The following FBXL7 variants were observed in gnomAD, a reference collection of about 807,000 sequenced individuals.
The protein encoded by FBXL7 is F-box and leucine rich repeat protein 7.
Under a neutral mutation model 38.3 loss-of-function variants are expected in FBXL7, and 12 were observed. The ratio of observed to expected loss-of-function variants is 0.31; its 90% CI spans 0.20 to 0.51. The LOEUF is 0.51. Among genes scored for constraint, FBXL7 ranks in the 20% least tolerant of loss-of-function variants. The pLI, the probability that FBXL7 is intolerant of heterozygous loss-of-function variation, is 0.98. For synonymous variants in FBXL7, 297 were observed against 300.9 expected (o/e 0.99, Z 0.13); for missense variants, 567 against 676.4 (o/e 0.84, Z 1.79).
intron 2 of FBXL7, among the ~76,000 whole-genome samples, chr5:15,706,692 AC>A (rs1191716453): frequency 1.3e-5 from 2 of 152,220 alleles, no homozygotes; most frequent in African/African-American, 4.8e-5. Flanking sequence ...AAACAAAAAA[AC>A]AAAAGAACAA....
intron 2 of FBXL7, among the ~76,000 whole-genome samples, chr5:15,871,208 G>A (rs970506918): frequency 7.2e-5 from 11 of 152,146 alleles, no homozygotes; most frequent in Admixed American, 6.5e-5. Flanking sequence ...CAGCAGACCT[G>A]CAGACTGTTA....
intron 2 of FBXL7, among the ~76,000 whole-genome samples, chr5:15,638,913 T>G (rs1741271016): frequency 6.6e-6 from 1 of 152,070 alleles, no homozygotes; most frequent in South Asian, 2.1e-4. Flanking sequence ...GGAACTCTCC[T>G]TTTTTACTGA....
intron 2 of FBXL7, among the ~76,000 whole-genome samples, chr5:15,724,255 T>TA (rs34984522): frequency 7.1e-4 from 108 of 152,252 alleles, no homozygotes; most frequent in African/African-American, 2.3e-3. Context: ...ACTTCCTTTT[T>TA]AAAAAAATGT....
chr5:15,659,197 G>T (rs1485407006), intron 2 of FBXL7, among the ~76,000 whole-genome samples: 1 of 151,618 alleles, frequency 6.6e-6, no homozygotes, highest in South Asian at 2.1e-4. Context: ...ACTGGGAGAA[G>T]ATAATTATAA....
At chr5:15,692,117 C>T (rs1055628513) in intron 2 of FBXL7, among the ~76,000 whole-genome samples, 4 of 152,100 alleles carry the variant, frequency 2.6e-5, no homozygotes, top group Non-Finnish European at 5.9e-5. Context: ...TCAGAGTAGG[C>T]TGCCTCGATT....
At chr5:15,869,359 T>TA (rs1308882370) in intron 2 of FBXL7, among the ~76,000 whole-genome samples, 1 of 152,146 alleles carries the variant, frequency 6.6e-6, no homozygotes, top group Non-Finnish European at 1.5e-5. Context: ...CTCCCCAGGC[T>TA]AAATGGGACA....
In FBXL7 at chr5:15,606,291, GCACA is replaced by G. The variant is rs148470712; in HGVS notation, c.38-9677_38-9674del. On this transcript the variant is annotated intron_variant, in intron 1 of 3. Coordinates refer to ENST00000504595, the MANE Select transcript of FBXL7 (RefSeq NM_012304.5). ...GCAGAACACACATACATGCGCACGT[GCACA>G]CACACACACACACAATGTACATGTA... Among the ~76,000 whole-genome samples the G allele has an allele frequency of 4.8e-4, 72 of 150,618 alleles. No homozygotes were observed. In the East Asian group the frequency reaches 7.6e-3, roughly 16 times the overall value.
At position 15,599,460 on chromosome 5, in the gene FBXL7, A is replaced by G. The variant is rs530938259; in HGVS notation, c.38-16523A>G. 1.9e-4 allele frequency among the ~76,000 whole-genome samples: 29 copies of G among 152,256 alleles called. No homozygotes were observed. The South Asian group carries it at 6.0e-3, about 32-fold the overall frequency. ...GAAGAGAAAGTTGGCTAAAAACCCTATCTTATCCATTCTTCCACTTAGCTT... is the reference window on the plus strand; with the variant it reads ...GAAGAGAAAGTTGGCTAAAAACCCTGTCTTATCCATTCTTCCACTTAGCTT... On this transcript the variant is annotated intron_variant, in intron 1 of 3. Transcript: ENST00000504595.
chr5:15,838,987 C>T (rs1738665076), intron 2 of FBXL7, among the ~76,000 whole-genome samples: 1 of 152,026 alleles, frequency 6.6e-6, no homozygotes, highest in African/African-American at 2.4e-5. Context: ...TTTGGTTTTG[C>T]TTGTTTGTTT....
chr5:15,701,490 T>G lies in FBXL7; in HGVS notation c.127+85418T>G, dbSNP rs956626827. ...CACAGAGCGTCATCATTGTCATGCT[T>G]CAGTTCTTTCATTTGTGTACTATTT... On this transcript the variant is annotated intron_variant, in intron 2 of 3. Transcript: ENST00000504595. Among the ~76,000 whole-genome samples, 4 of 152,200 alleles carry G rather than the reference T, an allele frequency of 2.6e-5. 1 individual carries two copies. The highest frequency in any genetic ancestry group is 5.9e-5 in the Non-Finnish European group (4 of 68,048).
At chr5:15,735,215 G>A (rs1735714705) in intron 2 of FBXL7, among the ~76,000 whole-genome samples, 1 of 152,224 alleles carries the variant, frequency 6.6e-6, no homozygotes, top group South Asian at 2.1e-4. Context: ...GTATAGGCAT[G>A]AGCCGCTGTG....
chr5:15,727,668 A>G (rs1735445806), intron 2 of FBXL7, among the ~76,000 whole-genome samples: 1 of 152,072 alleles, frequency 6.6e-6, no homozygotes, highest in Non-Finnish European at 1.5e-5. Context: ...TTGTCTTTCT[A>G]AAGTTTGATA....
At chr5:15,737,574 A>T (rs764161890) in intron 2 of FBXL7, among the ~76,000 whole-genome samples, 4 of 152,198 alleles carry the variant, frequency 2.6e-5, no homozygotes, top group Non-Finnish European at 5.9e-5. Flanking sequence ...TTTCAGGCTA[A>T]GAGAAAGATC....
At chr5:15,549,887 G>A (rs961332746) in intron 1 of FBXL7, among the ~76,000 whole-genome samples, 3 of 152,168 alleles carry the variant, frequency 2.0e-5, no homozygotes, top group Non-Finnish European at 4.4e-5. Flanking sequence ...TGCAGTTGGG[G>A]TGCAGGGGAC....
intron 1 of FBXL7, among the ~76,000 whole-genome samples, chr5:15,595,013 A>G (rs1739585099): frequency 6.6e-6 from 1 of 152,156 alleles, no homozygotes; most frequent in Non-Finnish European, 1.5e-5. Flanking sequence ...TTTGTTTCCC[A>G]GTATCTAGAA....
At chr5:15,783,183 C>T (rs573330601) in intron 2 of FBXL7, among the ~76,000 whole-genome samples, 4 of 152,258 alleles carry the variant, frequency 2.6e-5, no homozygotes, top group African/African-American at 9.6e-5. Context: ...GAACTGAACA[C>T]GGGTGGTGGA....
At chr5:15,674,408 G>T (rs1289838054) in intron 2 of FBXL7, among the ~76,000 whole-genome samples, 1 of 152,204 alleles carries the variant, frequency 6.6e-6, no homozygotes, top group Non-Finnish European at 1.5e-5. Context: ...AAAAGGTTTT[G>T]AAGGAAAGGC....
chr5:15,914,385 CA>C (rs57871930), intron 2 of FBXL7, among the ~76,000 whole-genome samples: 34,778 of 81,648 alleles, frequency 0.43, 4,245 homozygotes, highest in Admixed American at 0.54. Flanking sequence ...GACTCCCTCT[CA>C]AAAAAAAAAA....
intron 1 of FBXL7, among the ~76,000 whole-genome samples, chr5:15,607,735 T>A (rs140777547): frequency 6.6e-6 from 1 of 152,224 alleles, no homozygotes; most frequent in African/African-American, 2.4e-5. Flanking sequence ...TGACCAAAAT[T>A]ATCGATCCAC....
Sources: allele counts gnomAD v4.1 joint callset (sites outside exome capture counted in the v4.1 genomes callset), GRCh38; gene constraint gnomAD v4.1.1; transcripts MANE v1.5; gene names NCBI Gene and HGNC (gene_info 2026-07-23, HGNC 2026-07-21).